The following LSAMP variants were observed in gnomAD, a reference collection of about 807,000 sequenced individuals.
LSAMP encodes limbic system-associated membrane protein.
LSAMP carries 7 observed loss-of-function variants against 38.6 expected under a neutral mutation model. That is an observed-to-expected ratio of 0.18 (90% CI 0.10 to 0.34). The LOEUF is 0.34. Ranked by LOEUF, LSAMP falls within the 10% of genes least tolerant of loss-of-function variation. LSAMP has a pLI of 1.00. For synonymous variants in LSAMP, 154 were observed against 166.8 expected, an observed-to-expected ratio of 0.92 and a Z score of 0.59; for missense variants, 313 against 420.0, an observed-to-expected ratio of 0.75 and a Z score of 2.23.
At chr3:116,053,206 C>A (rs903735674) in intron 2 of LSAMP, among the ~76,000 whole-genome samples, 1 of 152,226 alleles carries the variant, frequency 6.6e-6, no homozygotes. Context: ...ATAAAATCCT[C>A]TCTGCTTAGT....
chr3:116,019,881 C>A lies in LSAMP; in HGVS notation c.389-241G>T, dbSNP rs566692490. Among the ~76,000 whole-genome samples the A allele has an allele frequency of 2.0e-5, 3 of 152,192 alleles. No homozygotes were observed. In the East Asian group the frequency reaches 5.8e-4, roughly 29 times the overall value. On this transcript the variant is annotated intron_variant, in intron 2 of 6. Coordinates refer to ENST00000490035, the MANE Select transcript of LSAMP (RefSeq NM_002338.5). ...CCATCTGAGTGCTGTAGGAAATACA[C>A]AAAGTAGTATGATGAAAATATCTTA... is the stretch of plus-strand genomic sequence containing the variant.
intron 1 of LSAMP, among the ~76,000 whole-genome samples, chr3:116,225,981 G>T (rs1043851668): frequency 6.6e-6 from 1 of 152,038 alleles, no homozygotes; most frequent in Non-Finnish European, 1.5e-5. Context: ...TATGTTCTGT[G>T]CATCTTTCTG....
At chr3:116,177,922 T>A (rs1710389502) in intron 1 of LSAMP, among the ~76,000 whole-genome samples, 1 of 152,188 alleles carries the variant, frequency 6.6e-6, no homozygotes, top group Admixed American at 6.5e-5. Context: ...TGCTAGGATA[T>A]ATGGCAGATT....
intron 1 of LSAMP, among the ~76,000 whole-genome samples, chr3:116,248,133 C>T (rs1303358277): frequency 6.6e-6 from 1 of 152,076 alleles, no homozygotes; most frequent in African/African-American, 2.4e-5. Context: ...AGATAAATGC[C>T]CTATTTCTAC....
intron 1 of LSAMP, among the ~76,000 whole-genome samples, chr3:116,209,257 C>T (rs2046118630): frequency 6.6e-6 from 1 of 152,190 alleles, no homozygotes; most frequent in African/African-American, 2.4e-5. Context: ...CCTGCTTTGG[C>T]TCGCGCACGG....
At chr3:116,071,138 C>T (rs1707595609) in intron 2 of LSAMP, among the ~76,000 whole-genome samples, 1 of 149,292 alleles carries the variant, frequency 6.7e-6, no homozygotes, top group Admixed American at 6.7e-5. Flanking sequence ...AAACTTGGGG[C>T]CTAATCACTC....
At chr3:115,842,603 T>G in intron 4 of LSAMP, 25 bp from the exon 5 acceptor site, 1 of 1,611,804 alleles carries the variant, frequency 6.2e-7, no homozygotes, top group African/African-American at 1.3e-5. Context: ...GGCACACAAG[T>G]TTACATGAGG....
intron 1 of LSAMP, among the ~76,000 whole-genome samples, chr3:116,234,108 G>T (rs6438307): frequency 0.99 from 150,339 of 152,326 alleles, 74,228 homozygotes; most frequent in Middle Eastern, 1. Flanking sequence ...ATCACGGAGT[G>T]GGCTGCACAG....
At chr3:116,427,554 T>C (rs780493131) in intron 1 of LSAMP, among the ~76,000 whole-genome samples, 20 of 152,230 alleles carry the variant, frequency 1.3e-4, no homozygotes, top group Non-Finnish European at 2.1e-4. Context: ...ACAGGTTCCT[T>C]GAGGGACTAG....
In LSAMP at chr3:115,938,190, TTATTA is replaced by T. The variant is rs1214306203; in HGVS notation, c.514+81320_514+81324del. On this transcript the variant is annotated intron_variant, in intron 3 of 6. Transcript: ENST00000490035. ...CCAAAACAGAAAATGAATAGATAAT[TTATTA>T]TGAGTGTGGTTTATGAGAGAAAAAT... Among the ~76,000 whole-genome samples the T allele has an allele frequency of 2.0e-5, 3 of 152,242 alleles. No individual in the cohort carries two copies. In the South Asian group the frequency reaches 6.2e-4, roughly 32 times the overall value.
intron 1 of LSAMP, among the ~76,000 whole-genome samples, chr3:116,309,541 C>A (rs1175953840): frequency 6.6e-6 from 1 of 152,052 alleles, no homozygotes; most frequent in Non-Finnish European, 1.5e-5. Flanking sequence ...GACTTTCTAA[C>A]CAGTCCCTGT....
rs1223789871 is a variant in LSAMP at position 115,859,643 on chromosome 3, C to A, written c.515-7026G>T. The stretch of plus-strand genomic sequence containing the variant: ...CCAGAAACCAGTGACAAGAACAATG[C>A]CAGGGAAGATTCACAACTGGCTTTG... On this transcript the variant is annotated intron_variant, in intron 3 of 6. Transcript: ENST00000490035. Among the ~76,000 whole-genome samples the A allele has an allele frequency of 2.6e-5, 4 of 152,150 alleles. No individual in the cohort carries two copies. The East Asian group carries it at 7.7e-4, about 29-fold the overall frequency.
intron 1 of LSAMP, among the ~76,000 whole-genome samples, chr3:116,265,773 C>T (rs1416189244): frequency 1.3e-5 from 2 of 152,076 alleles, no homozygotes. Flanking sequence ...TATCAAGATC[C>T]CATTAGGATT....
At chr3:115,827,038 G>A (rs751447490) in intron 6 of LSAMP, among the ~76,000 whole-genome samples, 5 of 151,272 alleles carry the variant, frequency 3.3e-5, no homozygotes, top group Non-Finnish European at 7.4e-5. Context: ...AACTTCAAGG[G>A]AGAAAAATAA....
At chr3:115,864,697 G>A (rs1337430335) in intron 3 of LSAMP, among the ~76,000 whole-genome samples, 1 of 152,004 alleles carries the variant, frequency 6.6e-6, no homozygotes, top group Non-Finnish European at 1.5e-5. Context: ...TAGTGTCCTC[G>A]CACCACCTCC....
intron 1 of LSAMP, among the ~76,000 whole-genome samples, chr3:116,381,954 G>A (rs977458633): frequency 3.3e-5 from 5 of 151,972 alleles, no homozygotes; most frequent in South Asian, 2.1e-4. Flanking sequence ...TTTGTACAGC[G>A]TTTGAGACAA....
chr3:116,329,919 T>A (rs1444971750), intron 1 of LSAMP, among the ~76,000 whole-genome samples: 1 of 152,130 alleles, frequency 6.6e-6, no homozygotes, highest in Non-Finnish European at 1.5e-5. Flanking sequence ...TAAATTAAAT[T>A]AACGTTTAAT....
At chr3:116,219,639 C>A (rs1203272061) in intron 1 of LSAMP, among the ~76,000 whole-genome samples, 1 of 152,078 alleles carries the variant, frequency 6.6e-6, no homozygotes, top group East Asian at 1.9e-4. Flanking sequence ...AACTAAAAAC[C>A]TTCTGCACAG....
chr3:116,338,996 G>T (rs2047956557), intron 1 of LSAMP, among the ~76,000 whole-genome samples: 1 of 152,016 alleles, frequency 6.6e-6, no homozygotes, highest in Admixed American at 6.6e-5. Flanking sequence ...TTAGAGTGTT[G>T]TCATCCATTC....
Sources: gnomAD v4.1 joint callset for allele counts (sites outside exome capture counted in the v4.1 genomes callset) on GRCh38, gnomAD v4.1.1 for gene constraint, MANE v1.5 for transcripts, NCBI Gene and HGNC (gene_info 2026-07-23, HGNC 2026-07-21) for gene names.